The following NRROS variants were observed in gnomAD, a reference collection of about 807,000 sequenced individuals.
NRROS encodes the protein negative regulator of reactive oxygen species.
In NRROS, 6 loss-of-function variants were observed where a neutral mutation model predicts 12.0. The observed-to-expected ratio is 0.50, with a 90% CI of 0.27 to 0.98. The LOEUF (loss-of-function observed/expected upper bound fraction) is 0.98. Among genes scored for constraint, NRROS ranks in the 50% least tolerant of loss-of-function variants. The probability of loss-of-function intolerance (pLI) is 0.11; values close to 1 mark genes in which losing one functional copy is unlikely to be tolerated. For synonymous variants in NRROS, 462 were observed against 410.2 expected (o/e 1.13, Z -1.53); for missense variants, 857 against 888.2 (o/e 0.96, Z 0.45).
At chr3:196,657,078 C>T (rs1247543820) in intron 2 of NRROS, among the ~76,000 whole-genome samples, 2 of 152,002 alleles carry the variant, frequency 1.3e-5, no homozygotes, top group Non-Finnish European at 2.9e-5. Flanking sequence ...GTGACGGGCA[C>T]CTGTGATCTC....
intron 2 of NRROS, among the ~76,000 whole-genome samples, chr3:196,656,094 G>C (rs899806295): frequency 6.6e-6 from 1 of 152,124 alleles, no homozygotes; most frequent in Non-Finnish European, 1.5e-5. Context: ...TTGAACCTGG[G>C]AGGCAGAGGT....
At chr3:196,646,356 G>A (rs1043853312) in intron 1 of NRROS, among the ~76,000 whole-genome samples, 2 of 152,254 alleles carry the variant, frequency 1.3e-5, no homozygotes, top group Admixed American at 6.5e-5. Context: ...TGCGTTATGC[G>A]GTTGAGCGCC....
rs62636585 is a variant in NRROS, at chr3:196,661,152, C to G, written c.1509C>G (p.Leu503=). The change falls in exon 3 of 3, where the codon CTC becomes CTG. Residue 503 remains leucine, a synonymous_variant. Coordinates refer to ENST00000328557, the MANE Select transcript of NRROS (RefSeq NM_198565.3). ...ACTGGGGGGTTCTGAATGGGAGCCT[C>G]GCCCCACTCCAGGATGTTGCCCCCA... ...SSNWGVLNGS[L]APLQDVAPML... 28,554 of 1,612,418 alleles carry G rather than the reference C, an allele frequency of 0.018. 344 individuals are homozygous for G. The highest frequency in any genetic ancestry group is 0.02 in the Non-Finnish European group (24,157 of 1,178,890).
At chr3:196,648,592 C>T (rs1241673420) in intron 1 of NRROS, among the ~76,000 whole-genome samples, 1 of 151,794 alleles carries the variant, frequency 6.6e-6, no homozygotes, top group Non-Finnish European at 1.5e-5. Context: ...AATGGAAAAA[C>T]CCCATCTCTA....
chr3:196,641,315 A>G (rs1449898986), intron 1 of NRROS, among the ~76,000 whole-genome samples: 1 of 152,090 alleles, frequency 6.6e-6, no homozygotes, highest in East Asian at 1.9e-4. Context: ...TTGGGCTCAA[A>G]TAATGCTCCT....
chr3:196,654,082 G>A lies in NRROS; in HGVS notation c.-13-445G>A, dbSNP rs567990624. Among the ~76,000 whole-genome samples, 41 of 152,244 alleles carry A rather than the reference G, an allele frequency of 2.7e-4. No individual in the cohort carries two copies. The East Asian group carries it at 6.4e-3, about 24-fold the overall frequency. ...GACAGAGGCCCCCATCCGTGTTTCC[G>A]TCTCCGTCCACTCTCCAGTTGTTCA... On this transcript the variant is annotated intron_variant, in intron 1 of 2. Coordinates refer to ENST00000328557, the MANE Select transcript of NRROS (RefSeq NM_198565.3). This position sits in a 1 kb window ranked among gnomAD's most constrained non-coding sequence, Gnocchi z 4.4.
intron 1 of NRROS, among the ~76,000 whole-genome samples, chr3:196,644,334 G>C (rs1194166738): frequency 6.6e-6 from 1 of 151,522 alleles, no homozygotes; most frequent in Admixed American, 6.6e-5. Context: ...TGGAGGCGGA[G>C]GTTGCAGTGA....
chr3:196,650,435 C>T (rs541018588), intron 1 of NRROS, among the ~76,000 whole-genome samples: 62 of 152,214 alleles, frequency 4.1e-4, no homozygotes, highest in African/African-American at 1.3e-3. Context: ...TGAGCCACTG[C>T]GCCCGGCCAT....
rs148609801 is a variant in NRROS, at chr3:196,657,443, C to T, written c.109-2309C>T. On this transcript the variant is annotated intron_variant, in intron 2 of 2. Coordinates refer to ENST00000328557, the MANE Select transcript of NRROS (RefSeq NM_198565.3). Reference sequence around the variant, plus strand: ...ACTCACATAAAGACACACACCTGGCCGGGCGCGGTGGCTCACACCTGTAAT... The same window carrying T: ...ACTCACATAAAGACACACACCTGGCTGGGCGCGGTGGCTCACACCTGTAAT... 3.4e-3 allele frequency among the ~76,000 whole-genome samples: 517 copies of T among 152,072 alleles called. 1 individual carries two copies. The highest frequency in any genetic ancestry group is 6.0e-3 in the Non-Finnish European group (406 of 67,960).
rs1442456943 is a variant in NRROS, at chr3:196,660,105, G to A, written c.462G>A (p.Gln154=). ...LTEDMAALML[Q]NLSSLRSVSL... ...AGGACATGGCAGCCCTCATGCTCCA[G>A]AACCTCTCCTCGCTGCGGTCCGTGT... The change falls in exon 3 of 3, where the codon CAG becomes CAA. Residue 154 remains glutamine, a synonymous_variant. Transcript: ENST00000328557. This position sits in a 1 kb window ranked among gnomAD's most constrained non-coding sequence, Gnocchi z 7.7. 1 of 1,613,122 alleles carries A rather than the reference G, an allele frequency of 6.2e-7. No individual in the cohort carries two copies. The highest frequency in any genetic ancestry group is 2.2e-5 in the East Asian group (1 of 44,868).
chr3:196,644,668 G>A (rs1737272663), intron 1 of NRROS, among the ~76,000 whole-genome samples: 1 of 150,978 alleles, frequency 6.6e-6, no homozygotes, highest in Admixed American at 6.6e-5. Flanking sequence ...AGCTACTTGG[G>A]AGGCTGAGGC....
At chr3:196,650,119 A>G (rs987314945) in intron 1 of NRROS, among the ~76,000 whole-genome samples, 1 of 152,128 alleles carries the variant, frequency 6.6e-6, no homozygotes, top group Admixed American at 6.6e-5. Context: ...AAAACAAAAC[A>G]ATAGCAAAAT....
rs1737672602 is a variant in NRROS at position 196,661,293 on chromosome 3, C to T, written c.1650C>T (p.Thr550=). 6.2e-7 allele frequency: 1 copy of T among 1,611,218 alleles called. No individual in the cohort carries two copies. The change falls in exon 3 of 3, where the codon ACC becomes ACT. Residue 550 remains threonine, a synonymous_variant. Coordinates refer to ENST00000328557, the MANE Select transcript of NRROS (RefSeq NM_198565.3). ...DLDLSGNCLT[T]FPRFGGSLAL... The stretch of plus-strand genomic sequence containing the variant: ...ATCTGTCGGGGAATTGCTTGACCAC[C>T]TTCCCAAGGTTTGGGGGCAGCCTGG...
chr3:196,654,788 G>T lies in NRROS; in HGVS notation c.108+141G>T. On this transcript the variant is annotated intron_variant, in intron 2 of 2. Coordinates refer to ENST00000328557, the MANE Select transcript of NRROS (RefSeq NM_198565.3). This position sits in a 1 kb window ranked among gnomAD's most constrained non-coding sequence, Gnocchi z 4.4. ...CACTCTGTGCCTGCCTAGCACAGGGGCATGTGCAGCTGCCCTTTAACCACA... is the reference window on the plus strand; with the variant it reads ...CACTCTGTGCCTGCCTAGCACAGGGTCATGTGCAGCTGCCCTTTAACCACA... 2 of 607,562 alleles carry T rather than the reference G, an allele frequency of 3.3e-6. No homozygotes were observed. Among genetic ancestry groups the T allele is most frequent in the East Asian group, 2.8e-5 (1 of 35,618 alleles). The allele number at this position is 607,562 out of a possible 1,614,324, so 37.6% of individuals were successfully genotyped here.
intron 1 of NRROS, among the ~76,000 whole-genome samples, chr3:196,641,798 C>T (rs575398411): frequency 6.6e-5 from 10 of 152,286 alleles, no homozygotes; most frequent in Admixed American, 2.6e-4. Context: ...ACCAGACTCT[C>T]GTATGGACAA....
chr3:196,657,712 A>AG (rs1473312284), intron 2 of NRROS, among the ~76,000 whole-genome samples: 4 of 151,724 alleles, frequency 2.6e-5, no homozygotes, highest in African/African-American at 9.7e-5. Flanking sequence ...TGTCTCAAAA[A>AG]AAAAAAAAAA....
chr3:196,660,441 G>T lies in NRROS; in HGVS notation c.798G>T (p.Pro266=), dbSNP rs767038502. 7 of 1,613,726 alleles carry T rather than the reference G, an allele frequency of 4.3e-6. No individual in the cohort carries two copies. The South Asian group carries it at 6.6e-5, about 15-fold the overall frequency. Residue 266 remains proline, a synonymous_variant, in exon 3 of 3, where the codon CCG becomes CCT. Transcript: ENST00000328557. The surrounding 1 kb of genome is among the most constrained non-coding windows in gnomAD (Gnocchi z 7.7). ...CTCACAACCAGCTGCTGTTCTTCCC[G>T]CTGCTGCCCCAGTACAGCAAGTTGC... ...DLSHNQLLFF[P]LLPQYSKLRT... is the part of the protein sequence containing the mutation.
chr3:196,660,504 C>T lies in NRROS; in HGVS notation c.861C>T (p.Tyr287=). Residue 287 remains tyrosine, a synonymous_variant, in exon 3 of 3, where the codon TAC becomes TAT. Coordinates refer to ENST00000328557, the MANE Select transcript of NRROS (RefSeq NM_198565.3). This position sits in a 1 kb window ranked among gnomAD's most constrained non-coding sequence, Gnocchi z 7.7. ...TGCGCGACAACAACATGGGCTTCTA[C>T]CGGGACCTGTACAACACCTCGTCGC... ...LLLRDNNMGF[Y]RDLYNTSSPR... is the part of the protein sequence containing the mutation. The T allele has an allele frequency of 2.5e-6, 4 of 1,614,168 alleles. No homozygotes were observed. The highest frequency in any genetic ancestry group is 3.4e-6 in the Non-Finnish European group (4 of 1,180,046).
rs1560056540 is a variant in NRROS, at chr3:196,660,375, CG to C, written c.737del (p.Gly246GlufsTer65). 6.2e-7 allele frequency: 1 copy of C among 1,613,982 alleles called. No homozygotes were observed. Among genetic ancestry groups the C allele is most frequent in the African/African-American group, 1.3e-5 (1 of 75,040 alleles). On this transcript the variant is annotated frameshift_variant, in exon 3 of 3. Coordinates refer to ENST00000328557, the MANE Select transcript of NRROS (RefSeq NM_198565.3). LOFTEE classifies it low-confidence loss of function (END_TRUNC). The surrounding 1 kb of genome is among the most constrained non-coding windows in gnomAD (Gnocchi z 7.7). Reference protein sequence around the residue: ...YNVLEWFLATGGEAAFELETL... With the variant: ...YNVLEWFLATXGEAAFELETL... ...ACGTCCTGGAGTGGTTCCTCGCGAC[CG>C]GGGGAGAGGCTGCCTTCGAGCTGGA... is the stretch of plus-strand genomic sequence containing the variant.
Sources: allele counts gnomAD v4.1 joint callset (sites outside exome capture counted in the v4.1 genomes callset), GRCh38; gene constraint gnomAD v4.1.1; non-coding constraint Gnocchi (gnomAD v3.1); transcripts MANE v1.5; gene names NCBI Gene and HGNC (gene_info 2026-07-23, HGNC 2026-07-21).